Variants in PTPRD observed in about 807,000 individuals in gnomAD.
PTPRD encodes the protein protein tyrosine phosphatase receptor type D.
A neutral mutation model predicts 214.5 loss-of-function variants in PTPRD; 34 were observed. The ratio of observed to expected loss-of-function variants is 0.16; its 90% CI spans 0.12 to 0.21. The LOEUF (loss-of-function observed/expected upper bound fraction) is 0.21, where lower values mean the gene tolerates loss of function less well. Ranked by LOEUF, PTPRD falls within the 10% of genes least tolerant of loss-of-function variation. The pLI, the probability that PTPRD is intolerant of heterozygous loss-of-function variation, is 1.00. For synonymous variants in PTPRD, 1,128 were observed against 845.7 expected (o/e 1.33, Z -5.79); for missense variants, 2,545 against 2,398.7 (o/e 1.06, Z -1.27).
intron 5 of PTPRD, among the ~76,000 whole-genome samples, chr9:9,788,551 C>CAA (rs371559861): frequency 0.031 from 3,651 of 116,948 alleles, 182 homozygotes; most frequent in African/African-American, 0.092. Flanking sequence ...AGCTCCGTCT[C>CAA]AAAAAAAAAA....
intron 16 of PTPRD, 75 bp from the exon 17 acceptor site, chr9:8,526,719 G>T: frequency 8.2e-7 from 1 of 1,216,064 alleles, no homozygotes; most frequent in South Asian, 1.6e-5. Context: ...GCTAGGGCTG[G>T]GGAGAAGAAT....
At chr9:9,979,802 G>T (rs570918483) in intron 4 of PTPRD, among the ~76,000 whole-genome samples, 1 of 152,230 alleles carries the variant, frequency 6.6e-6, no homozygotes, top group Non-Finnish European at 1.5e-5. Flanking sequence ...AGAATGATGA[G>T]TGAGGGAGAA....
chr9:9,557,949 C>G (rs1313185253), intron 8 of PTPRD, among the ~76,000 whole-genome samples: 1 of 152,204 alleles, frequency 6.6e-6, no homozygotes, highest in African/African-American at 2.4e-5. Context: ...AGCTTACTTT[C>G]ACACTGTCCA....
At chr9:10,116,221 T>C (rs1035181296) in intron 3 of PTPRD, among the ~76,000 whole-genome samples, 4 of 152,154 alleles carry the variant, frequency 2.6e-5, no homozygotes, top group African/African-American at 7.2e-5. Flanking sequence ...ACTCCTTATT[T>C]CTAACTGGTA....
intron 2 of PTPRD, among the ~76,000 whole-genome samples, chr9:10,494,535 G>C (rs2041428419): frequency 6.6e-6 from 1 of 151,300 alleles, no homozygotes; most frequent in African/African-American, 2.4e-5. Context: ...ACTTGATTAA[G>C]ATGGTTTAAA....
intron 9 of PTPRD, among the ~76,000 whole-genome samples, chr9:9,389,425 G>T (rs1375036761): frequency 3.9e-5 from 6 of 152,084 alleles, no homozygotes; most frequent in African/African-American, 1.4e-4. Flanking sequence ...TAGGAGAATT[G>T]CTTGAACCCG....
chr9:8,544,137 T>G (rs948947116), intron 14 of PTPRD, among the ~76,000 whole-genome samples: 2 of 150,890 alleles, frequency 1.3e-5, no homozygotes, highest in Non-Finnish European at 3.0e-5. Context: ...TGCATTAGGC[T>G]GGTGCAAAAG....
chr9:9,811,531 C>T (rs1332967231), intron 5 of PTPRD, among the ~76,000 whole-genome samples: 1 of 151,984 alleles, frequency 6.6e-6, no homozygotes, highest in African/African-American at 2.4e-5. Context: ...CACGGTGAAG[C>T]CCCATCTCTA....
chr9:9,505,360 T>C (rs1295260068), intron 8 of PTPRD, among the ~76,000 whole-genome samples: 1 of 151,526 alleles, frequency 6.6e-6, no homozygotes, highest in African/African-American at 2.4e-5. Context: ...TACTTTGCCA[T>C]CAGAATTTTA....
intron 8 of PTPRD, among the ~76,000 whole-genome samples, chr9:9,405,232 C>T (rs1246335562): frequency 1.3e-5 from 2 of 152,052 alleles, no homozygotes; most frequent in Admixed American, 1.3e-4. Context: ...AACAAATTTA[C>T]AATGTAGTTG....
chr9:8,933,692 T>C (rs1386941173), intron 11 of PTPRD, among the ~76,000 whole-genome samples: 1 of 152,138 alleles, frequency 6.6e-6, no homozygotes, highest in Admixed American at 6.6e-5. Flanking sequence ...CCTGATATAC[T>C]ACCTCTTAGT....
chr9:10,547,370 A>G (rs970461932), intron 2 of PTPRD, among the ~76,000 whole-genome samples: 2 of 151,966 alleles, frequency 1.3e-5, no homozygotes, highest in African/African-American at 2.4e-5. Context: ...CAGAACTGCA[A>G]AACTTTAGCA....
intron 7 of PTPRD, among the ~76,000 whole-genome samples, chr9:9,670,486 A>C (rs1343465023): frequency 6.6e-6 from 1 of 152,186 alleles, no homozygotes; most frequent in Non-Finnish European, 1.5e-5. Flanking sequence ...AAGGAACCAA[A>C]TGTTAATCCC....
At chr9:9,229,661 A>T (rs1594094284) in intron 9 of PTPRD, among the ~76,000 whole-genome samples, 1 of 152,162 alleles carries the variant, frequency 6.6e-6, no homozygotes, top group African/African-American at 2.4e-5. Flanking sequence ...CCAAAATCAA[A>T]TAAGACTATC....
At chr9:10,347,103 C>T (rs2097097669) in intron 2 of PTPRD, among the ~76,000 whole-genome samples, 1 of 151,924 alleles carries the variant, frequency 6.6e-6, no homozygotes, top group Non-Finnish European at 1.5e-5. Context: ...AAATTTCACT[C>T]TCATCAGCCC....
At chr9:8,982,572 C>T (rs986348985) in intron 11 of PTPRD, among the ~76,000 whole-genome samples, 14 of 149,870 alleles carry the variant, frequency 9.3e-5, no homozygotes, top group African/African-American at 2.2e-4. Flanking sequence ...AAAATATGAC[C>T]TAAAGGGAAA....
At chr9:8,424,835 A>G (rs1156824444) in intron 35 of PTPRD, among the ~76,000 whole-genome samples, 1 of 152,036 alleles carries the variant, frequency 6.6e-6, no homozygotes, top group Non-Finnish European at 1.5e-5. Context: ...TGTTAAGGAA[A>G]TTTTTTTAGC....
rs115849066 is a variant in PTPRD, at chr9:10,031,293, G to A, written c.-472+2425C>T. On this transcript the variant is annotated intron_variant, in intron 4 of 45. Transcript: ENST00000381196. ...AACTCGATTGGATTGAAGGATGCAA[G>A]TATTGATCCTGGGTGTGTCTGTATG... Among the ~76,000 whole-genome samples, 393 of 152,144 alleles carry A rather than the reference G, an allele frequency of 2.6e-3. 2 individuals are homozygous for A. The highest frequency in any genetic ancestry group is 8.5e-3 in the African/African-American group (354 of 41,504).
At chr9:9,743,715 G>A (rs547147529) in intron 6 of PTPRD, among the ~76,000 whole-genome samples, 4 of 129,642 alleles carry the variant, frequency 3.1e-5, no homozygotes, top group Admixed American at 8.6e-5. Context: ...CTTCTTCATA[G>A]CAAAAACTCA....
Sources: gnomAD v4.1 joint callset for allele counts (sites outside exome capture counted in the v4.1 genomes callset) on GRCh38, gnomAD v4.1.1 for gene constraint, MANE v1.5 for transcripts, NCBI Gene and HGNC (gene_info 2026-07-23, HGNC 2026-07-21) for gene names.